Variants in HCN2 observed in about 807,000 individuals in gnomAD.
HCN2 encodes potassium/sodium hyperpolarization-activated cyclic nucleotide-gated channel 2.
HCN2 carries 20 observed loss-of-function variants against 52.3 expected under a neutral mutation model. The observed-to-expected ratio is 0.38, with a 90% confidence interval of 0.27 to 0.56. The LOEUF (loss-of-function observed/expected upper bound fraction) is 0.56. Ranked by LOEUF, HCN2 falls within the 20% of genes least tolerant of loss-of-function variation. The pLI is 0.71. For synonymous variants in HCN2, 694 were observed against 537.0 expected (o/e 1.29, Z -4.04); for missense variants, 981 against 1,207.7 (o/e 0.81, Z 2.78).
At chr19:603,289 G>A (rs1317350845) in intron 1 of HCN2, among the ~76,000 whole-genome samples, 3 of 127,188 alleles carry the variant, frequency 2.4e-5, no homozygotes, top group African/African-American at 9.7e-5. Context: ...AGCCTGAGGT[G>A]TGGGCACCCT....
chr19:613,578 CGGGG>C lies in HCN2; in HGVS notation c.1825+91_1825+94del, dbSNP rs1983743610. ...AGGGGGCCGGGGCCGGGGCCGGGGC[CGGGG>C]ATGGGGATGGGGATGGGGATGGGGC... On this transcript the variant is annotated intron_variant, in intron 6 of 7. Transcript: ENST00000251287. The C allele has an allele frequency of 1.4e-5, 3 of 219,554 alleles. No individual in the cohort carries two copies. The African/African-American group carries it at 2.1e-4, about 15-fold the overall frequency. The allele number at this position is 219,554 out of a possible 1,614,324, so 13.6% of individuals were successfully genotyped here.
Position 617,118 on chromosome 19 carries a change from C to CCCCCCCCCA in HCN2, c.*644_*645insCCCCCCCCA. On this transcript the variant is annotated 3_prime_UTR_variant, in exon 8 of 8. Transcript: ENST00000251287. ...TGGCCCCCCACGCCCCATTAACCCCCACACCCCCATTCCGCGCAATAAACG... is the reference window on the plus strand; with the variant it reads ...TGGCCCCCCACGCCCCATTAACCCCCCCCCCCCCAACACCCCCATTCCGCGCAATAAACG... 1.5e-6 allele frequency: 1 copy of CCCCCCCCCA among 683,942 alleles called. No individual in the cohort carries two copies. Among genetic ancestry groups the CCCCCCCCCA allele is most frequent in the East Asian group, 3.0e-5 (1 of 33,012 alleles). The allele number at this position is 683,942 out of a possible 1,614,324, so 42.4% of individuals were successfully genotyped here. A position where few individuals can be genotyped will look rare whatever the true frequency, so the allele number is the denominator to read the frequency against.
intron 5 of HCN2, among the ~76,000 whole-genome samples, chr19:612,494 TA>T (rs1983684014): frequency 6.6e-6 from 1 of 151,848 alleles, no homozygotes; most frequent in Admixed American, 6.6e-5. Flanking sequence ...TGGTTCACTG[TA>T]ACCTCCTCCT....
intron 1 of HCN2, among the ~76,000 whole-genome samples, chr19:596,075 C>A (rs1983021234): frequency 6.6e-6 from 1 of 152,238 alleles, no homozygotes; most frequent in Non-Finnish European, 1.5e-5. Flanking sequence ...GACCTGGTGT[C>A]CTCGTGGGGT....
chr19:608,254 G>A (rs1360878879), intron 4 of HCN2, 72 bp downstream of exon 4: 7 of 1,393,790 alleles, frequency 5.0e-6, no homozygotes, highest in Non-Finnish European at 7.1e-6. Flanking sequence ...CTGAGAGAGA[G>A]TCAGGCCAGG....
At chr19:598,817 C>T (rs1022195691) in intron 1 of HCN2, among the ~76,000 whole-genome samples, 2 of 152,198 alleles carry the variant, frequency 1.3e-5, no homozygotes, top group African/African-American at 4.8e-5. Flanking sequence ...ACCGTGTTGG[C>T]CAGGATGGTC....
chr19:595,201 C>G (rs751516066), intron 1 of HCN2, among the ~76,000 whole-genome samples: 3 of 151,212 alleles, frequency 2.0e-5, no homozygotes, highest in Non-Finnish European at 4.4e-5. Flanking sequence ...GACCCTGTCT[C>G]AAAAAAATAA....
rs1231312122 is a variant in HCN2, at chr19:591,471, C to T, written c.632+894C>T. On this transcript the variant is annotated intron_variant, in intron 1 of 7. Transcript: ENST00000251287. The surrounding 1 kb of genome is among the most constrained non-coding windows in gnomAD (Gnocchi z 4.1). ...GTTGGGACCAGGTGGCGGGCGTGCG[C>T]GTGTACGCCCGGGGCCGGTGTGCAC... 6.6e-6 allele frequency among the ~76,000 whole-genome samples: 1 copy of T among 151,328 alleles called. No individual in the cohort carries two copies. The highest frequency in any genetic ancestry group is 2.4e-5 in the African/African-American group (1 of 41,164).
intron 1 of HCN2, among the ~76,000 whole-genome samples, chr19:603,257 AGGTGCCTGGG>A (rs1983275445): frequency 8.4e-6 from 1 of 119,020 alleles, no homozygotes; most frequent in Non-Finnish European, 1.7e-5. Context: ...CTGGTCCCAT[AGGTGCCTGGG>A]GGGAAGGCAC....
Position 608,136 on chromosome 19 carries a change from C to T in HCN2, c.1391C>T (p.Ala464Val). The T allele has an allele frequency of 6.2e-7, 1 of 1,613,290 alleles. No individual in the cohort carries two copies. Among genetic ancestry groups the T allele is most frequent in the Non-Finnish European group, 8.5e-7 (1 of 1,179,996 alleles). Residue 464 changes from alanine to valine, a missense_variant, in exon 4 of 8, where the codon GCC becomes GTC. This residue lies in a region of HCN2 where 282 missense variants were observed against 553.8 expected (regional missense o/e 0.51). Coordinates refer to ENST00000251287, the MANE Select transcript of HCN2 (RefSeq NM_001194.4). ...GCCATGTTCATCGGCCACGCCACTG[C>T]CCTCATCCAGTCGCTGGACTCCTCG... ...CYAMFIGHAT[A>V]LIQSLDSSRR...
intron 5 of HCN2, among the ~76,000 whole-genome samples, chr19:610,963 G>C (rs760794610): frequency 1.3e-5 from 2 of 152,148 alleles, no homozygotes; most frequent in Non-Finnish European, 2.9e-5. Flanking sequence ...TCCGGCGTCT[G>C]GGGCTCCAGG....
Position 603,985 on chromosome 19 carries a change from C to T in HCN2, c.1056+18C>T, listed in dbSNP as rs376159402. ...GGGAGGAGGTGAGGTGGGGCGGGGGCGGGGCCAAGGCAGCAGGGGCGGGGC... is the reference window on the plus strand; with the variant it reads ...GGGAGGAGGTGAGGTGGGGCGGGGGTGGGGCCAAGGCAGCAGGGGCGGGGC... On this transcript the variant is annotated intron_variant, in intron 2 of 7. Coordinates refer to ENST00000251287, the MANE Select transcript of HCN2 (RefSeq NM_001194.4). 2.1e-4 allele frequency: 125 copies of T among 605,622 alleles called. No homozygotes were observed. The highest frequency in any genetic ancestry group is 2.8e-4 in the Non-Finnish European group (116 of 416,322). 37.5% of individuals were successfully genotyped at this position (605,622 alleles called of 1,614,324 possible). A position where few individuals can be genotyped will look rare whatever the true frequency, so the allele number is the denominator to read the frequency against.
In HCN2 at chr19:605,186, C is replaced by T; in HGVS notation, c.1182C>T (p.Phe394=). 1.2e-6 allele frequency: 2 copies of T among 1,611,018 alleles called. No homozygotes were observed. The highest frequency in any genetic ancestry group is 1.3e-5 in the African/African-American group (1 of 74,932). ...TCCTGGTGCCTATGCTGCAGGACTTCCCGCGCAACTGCTGGGTGTCCATCA... is the reference window on the plus strand; with the variant it reads ...TCCTGGTGCCTATGCTGCAGGACTTTCCGCGCAACTGCTGGGTGTCCATCA... ...LQFLVPMLQD[F]PRNCWVSING... The change falls in exon 3 of 8, where the codon TTC becomes TTT. Residue 394 remains phenylalanine, a synonymous_variant. Transcript: ENST00000251287.
In HCN2 at chr19:617,035, T is replaced by G. The variant is rs1213539054; in HGVS notation, c.*561T>G. 1.9e-5 allele frequency: 10 copies of G among 534,902 alleles called. No individual in the cohort carries two copies. In the Admixed American group the frequency reaches 3.2e-4, roughly 17 times the overall value. 33.1% of individuals were successfully genotyped at this position (534,902 alleles called of 1,614,324 possible). A position where few individuals can be genotyped will look rare whatever the true frequency, so the allele number is the denominator to read the frequency against. On this transcript the variant is annotated 3_prime_UTR_variant, in exon 8 of 8. Transcript: ENST00000251287. ...GCTGCGCAGGGCGCGGGGGGGAGGC[T>G]GGGGTCCCGCCGCCGTGATGAATGT...
chr19:613,717 GGGGCCGGCACCA>G (rs1983768588), intron 6 of HCN2, 123 bp from the exon 7 acceptor site: 6 of 928,798 alleles, frequency 6.5e-6, no homozygotes, highest in Non-Finnish European at 8.6e-6. Flanking sequence ...GGATGGGGCC[GGGGCCGGCACCA>G]GGGAGAGCCT....
intron 1 of HCN2, among the ~76,000 whole-genome samples, chr19:593,246 G>C (rs1020439927): frequency 5.3e-5 from 8 of 152,238 alleles, no homozygotes; most frequent in Non-Finnish European, 8.8e-5. Context: ...TGAATTTTCT[G>C]AGGGGCAGAG....
intron 1 of HCN2, among the ~76,000 whole-genome samples, chr19:599,464 C>T (rs1405059857): frequency 6.6e-6 from 1 of 151,920 alleles, no homozygotes; most frequent in African/African-American, 2.4e-5. Flanking sequence ...TAGGGAGGGG[C>T]TGGGCCTGGG....
intron 5 of HCN2, 142 bp downstream of exon 5, chr19:610,547 C>A: frequency 1.5e-6 from 1 of 679,712 alleles, no homozygotes; most frequent in Middle Eastern, 4.2e-4. Flanking sequence ...TGCGTACACA[C>A]CCTCCCCTCC....
At chr19:595,588 G>A (rs572180093) in intron 1 of HCN2, among the ~76,000 whole-genome samples, 2 of 152,288 alleles carry the variant, frequency 1.3e-5, no homozygotes, top group East Asian at 1.9e-4. Context: ...CCTCCTCCAA[G>A]GAGCCCTCCC....
Sources: allele counts gnomAD v4.1 joint callset (sites outside exome capture counted in the v4.1 genomes callset), GRCh38; gene constraint gnomAD v4.1.1; regional missense constraint gnomAD v4.1.1; non-coding constraint Gnocchi (gnomAD v3.1); transcripts MANE v1.5; gene names NCBI Gene and HGNC (gene_info 2026-07-23, HGNC 2026-07-21).